The following MTHFD1 variants were observed in gnomAD, a reference collection of about 807,000 sequenced individuals.
MTHFD1 encodes methylenetetrahydrofolate dehydrogenase, cyclohydrolase and formyltetrahydrofolate synthetase 1.
A neutral mutation model predicts 110.3 loss-of-function variants in MTHFD1; 44 were observed. The observed-to-expected ratio is 0.40, with a 90% CI of 0.31 to 0.51. The LOEUF is 0.51. Among genes scored for constraint, MTHFD1 ranks in the 20% least tolerant of loss-of-function variants. The pLI, the probability that MTHFD1 is intolerant of heterozygous loss-of-function variation, is 0.60. For synonymous variants in MTHFD1, 402 were observed against 428.8 expected, an observed-to-expected ratio of 0.94 and a Z score of 0.77; for missense variants, 909 against 1,173.1, an observed-to-expected ratio of 0.77 and a Z score of 3.29.
intron 12 of MTHFD1, among the ~76,000 whole-genome samples, chr14:64,428,807 C>T (rs1315218826): frequency 6.6e-6 from 1 of 151,702 alleles, no homozygotes; most frequent in Non-Finnish European, 1.5e-5. Context: ...CCACCTTGGC[C>T]TCCCAATGTG....
intron 2 of MTHFD1, among the ~76,000 whole-genome samples, chr14:64,402,617 C>T (rs1219547946): frequency 6.6e-6 from 1 of 151,892 alleles, no homozygotes; most frequent in African/African-American, 2.4e-5. Context: ...ACAAGTGCAG[C>T]CTGGACAACA....
In MTHFD1 at chr14:64,458,401, C is replaced by T. The variant is rs2078509282; in HGVS notation, c.*4+94C>T. On this transcript the variant is annotated intron_variant, in intron 27 of 27. Coordinates refer to ENST00000652337, the MANE Select transcript of MTHFD1 (RefSeq NM_005956.4). ...AACTGACGCTATAAAAATTCACATT[C>T]TAATGCTTTCAAAACATTTCTTTTC... 6.9e-6 allele frequency: 6 copies of T among 870,326 alleles called. No individual in the cohort carries two copies. The South Asian group carries it at 8.0e-5, about 12-fold the overall frequency. 53.9% of individuals were successfully genotyped at this position (870,326 alleles called of 1,614,324 possible).
intron 12 of MTHFD1, among the ~76,000 whole-genome samples, chr14:64,428,174 T>C (rs1432104985): frequency 7.0e-6 from 1 of 142,550 alleles, no homozygotes; most frequent in Non-Finnish European, 1.5e-5. Flanking sequence ...AATGCAGTGG[T>C]GTGATCTCGG....
Position 64,430,188 on chromosome 14 carries a change from C to T in MTHFD1, c.1269C>T (p.Gly423=), listed in dbSNP as rs897045759. The part of the protein sequence containing the change: ...SQGPTFGIKG[G]AAGGGYSQVI... ...CACCCTTGACCTGTCCCCTAGGTGGCGCTGCAGGAGGCGGCTACTCCCAGG... is the reference window on the plus strand; with the variant it reads ...CACCCTTGACCTGTCCCCTAGGTGGTGCTGCAGGAGGCGGCTACTCCCAGG... Residue 423 remains glycine (G), a synonymous_variant, in exon 13 of 28, where the codon GGC becomes GGT. Coordinates refer to ENST00000652337, the MANE Select transcript of MTHFD1 (RefSeq NM_005956.4). The T allele has an allele frequency of 1.9e-6, 3 of 1,613,514 alleles. 1 individual carries two copies. In the Middle Eastern group the frequency reaches 5.2e-4, roughly 282 times the overall value.
In MTHFD1 at chr14:64,430,277, C is replaced by CG. The variant is rs60870392; in HGVS notation, c.1311+54dup. Reference sequence around the variant, plus strand: ...CTGAATTAGATCCCCCTTTTTTTGTCGGGGGGGAGGGTGCTGAATTAGCTC... The same window carrying CG: ...CTGAATTAGATCCCCCTTTTTTTGTCGGGGGGGGAGGGTGCTGAATTAGCTC... On this transcript the variant is annotated intron_variant, in intron 13 of 27. Transcript: ENST00000652337. The CG allele has an allele frequency of 3.2e-3, 5,015 of 1,553,994 alleles. 152 individuals are homozygous for CG. The Admixed American group carries it at 0.061, about 19-fold the overall frequency.
At chr14:64,390,255 C>T (rs1017058456) in intron 1 of MTHFD1, 5 of 151,236 alleles carry the variant, frequency 3.3e-5, no homozygotes, top group Non-Finnish European at 7.4e-5. Flanking sequence ...AATAAGTATT[C>T]GATATATGTT....
intron 11 of MTHFD1, among the ~76,000 whole-genome samples, chr14:64,426,408 T>C (rs1224176475): frequency 6.6e-6 from 1 of 152,224 alleles, no homozygotes; most frequent in Non-Finnish European, 1.5e-5. Flanking sequence ...GTTATCCATC[T>C]AGTAAGTGGA....
chr14:64,453,554 A>G (rs750660046), intron 24 of MTHFD1, among the ~76,000 whole-genome samples, 200 bp from the exon 25 acceptor site: 2 of 152,168 alleles, frequency 1.3e-5, no homozygotes, highest in African/African-American at 4.8e-5. Flanking sequence ...CTGGCAACAG[A>G]GCGAAACTCC....
chr14:64,418,407 C>T lies in MTHFD1; in HGVS notation c.615+383C>T, dbSNP rs1214054033. Among the ~76,000 whole-genome samples, 3 of 148,322 alleles carry T rather than the reference C, an allele frequency of 2.0e-5. No homozygotes were observed. In the East Asian group the frequency reaches 6.0e-4, roughly 29 times the overall value. ...TCGAGGCTGCAGTAAGCTACGATCA[C>T]ACCACTGCACTCCAGCCTGGGCTAC... is the stretch of plus-strand genomic sequence containing the variant. On this transcript the variant is annotated intron_variant, in intron 7 of 27. Coordinates refer to ENST00000652337, the MANE Select transcript of MTHFD1 (RefSeq NM_005956.4).
At chr14:64,391,491 T>G (rs953166787) in intron 1 of MTHFD1, among the ~76,000 whole-genome samples, 1 of 152,164 alleles carries the variant, frequency 6.6e-6, no homozygotes, top group African/African-American at 2.4e-5. Context: ...CTTTACAGTC[T>G]TCCTCTCATT....
rs987434196 is a variant in MTHFD1, at chr14:64,441,661, C to A, written c.1884+208C>A. 5.1e-6 allele frequency: 3 copies of A among 585,052 alleles called. No homozygotes were observed. The African/African-American group carries it at 5.6e-5, about 11-fold the overall frequency. 36.2% of individuals were successfully genotyped at this position (585,052 alleles called of 1,614,324 possible). ...CTCTACTAAAAATACAAAAAATTAG[C>A]CGGGCATGGTGGCGGGCGCCTGTAG... On this transcript the variant is annotated intron_variant, in intron 19 of 27. Transcript: ENST00000652337.
intron 21 of MTHFD1, among the ~76,000 whole-genome samples, chr14:64,443,299 G>A (rs986491256): frequency 3.9e-5 from 6 of 152,208 alleles, no homozygotes; most frequent in Non-Finnish European, 8.8e-5. Flanking sequence ...AATTAAAACT[G>A]AGTTACATGT....
At chr14:64,423,541 C>T (rs985641340) in intron 8 of MTHFD1, among the ~76,000 whole-genome samples, 9 of 151,666 alleles carry the variant, frequency 5.9e-5, no homozygotes, top group Non-Finnish European at 1.0e-4. Context: ...TTACAGGTGC[C>T]CGCTACCAAG....
intron 2 of MTHFD1, among the ~76,000 whole-genome samples, chr14:64,407,545 TC>T (rs10547684): frequency 0.72 from 95,331 of 132,790 alleles, 35,074 homozygotes; most frequent in Middle Eastern, 0.8. Context: ...TCACTCTCTC[TC>T]TTTTTTTTTT....
chr14:64,425,770 A>G lies in MTHFD1; in HGVS notation c.896A>G (p.Lys299Arg), dbSNP rs1313829263. The change falls in exon 10 of 28, where the codon AAG becomes AGG. Residue 299 changes from lysine (K) to arginine (R), a missense_variant. This residue lies in a region of MTHFD1 where 424 missense variants were observed against 510.4 expected (regional missense o/e 0.83). Coordinates refer to ENST00000652337, the MANE Select transcript of MTHFD1 (RefSeq NM_005956.4). Reference protein sequence around the residue: ...ESAKRFLEKFKPGKWMIQYNN... With the variant: ...ESAKRFLEKFRPGKWMIQYNN... ...GCCAAGCGTTTCCTGGAGAAATTTA[A>G]GCCAGGAAAGTGGATGATTCAGTAT... 1 of 1,613,524 alleles carries G rather than the reference A, an allele frequency of 6.2e-7. No individual in the cohort carries two copies. Among genetic ancestry groups the G allele is most frequent in the South Asian group, 1.1e-5 (1 of 91,042 alleles).
intron 1 of MTHFD1, among the ~76,000 whole-genome samples, chr14:64,391,672 T>C (rs2077806600): frequency 1.3e-5 from 2 of 152,244 alleles, no homozygotes; most frequent in Admixed American, 1.3e-4. Context: ...ATGGATTTAG[T>C]TGCCAAATTA....
At chr14:64,447,243 CCT>C (rs1334932439) in intron 22 of MTHFD1, among the ~76,000 whole-genome samples, 3 of 150,172 alleles carry the variant, frequency 2.0e-5, no homozygotes, top group Non-Finnish European at 4.4e-5. Context: ...GCAACCTCCG[CCT>C]CTGGGGTTCA....
At chr14:64,456,925 C>T (rs777007633) in intron 26 of MTHFD1, among the ~76,000 whole-genome samples, 18 of 152,170 alleles carry the variant, frequency 1.2e-4, no homozygotes, top group Middle Eastern at 3.4e-3. Context: ...TGATTTGGAA[C>T]TTGTGTGTAT....
In MTHFD1 at chr14:64,453,861, GGTA is replaced by G; in HGVS notation, c.2565+2_2565+4del. On this transcript the variant is annotated splice_donor_variant and splice_donor_region_variant and intron_variant, in intron 25 of 27. Transcript: ENST00000652337. LOFTEE classifies it high-confidence loss of function. ...ACAAAGCTGAAGTCTACACGAAGCA[GGTA>G]GATGTTTGGTTAGTTTGTCCTTTCA... 2 of 1,586,236 alleles carry G rather than the reference GGTA, an allele frequency of 1.3e-6. No homozygotes were observed. The highest frequency in any genetic ancestry group is 2.2e-5 in the South Asian group (2 of 90,490).
Sources: gnomAD v4.1 joint callset for allele counts (sites outside exome capture counted in the v4.1 genomes callset) on GRCh38, gnomAD v4.1.1 for gene constraint, gnomAD v4.1.1 regional missense constraint, MANE v1.5 for transcripts, NCBI Gene and HGNC (gene_info 2026-07-23, HGNC 2026-07-21) for gene names.